The following FOXK2 variants were observed in gnomAD, a reference collection of about 807,000 sequenced individuals.
The protein encoded by FOXK2 is forkhead box K2, also known as forkhead box protein K2.
A neutral mutation model predicts 53.3 loss-of-function variants in FOXK2; 24 were observed. That is an observed-to-expected ratio of 0.45 (90% CI 0.33 to 0.63). The LOEUF (loss-of-function observed/expected upper bound fraction) is 0.63. Among genes scored for constraint, FOXK2 ranks in the 30% least tolerant of loss-of-function variants. The pLI is 0.03. For missense variants in FOXK2, 952 were observed against 910.5 expected (o/e 1.05, Z -0.59); for synonymous variants, 505 against 407.1 (o/e 1.24, Z -2.89).
intron 5 of FOXK2, 51 bp downstream of exon 5, chr17:82,582,985 C>A: frequency 1.5e-6 from 2 of 1,325,300 alleles, no homozygotes; most frequent in South Asian, 3.5e-5. Flanking sequence ...CTAAACTTAC[C>A]TTCAGTGTAT....
chr17:82,587,463 G>T, intron 8 of FOXK2, 191 bp downstream of exon 8: 1 of 607,956 alleles, frequency 1.6e-6, no homozygotes, highest in Non-Finnish European at 2.9e-6. Flanking sequence ...GGATTCCCGT[G>T]GGAGGACCTG....
chr17:82,537,188 T>C lies in FOXK2; in HGVS notation c.419+16881T>C, dbSNP rs147516941. On this transcript the variant is annotated intron_variant, in intron 1 of 8. Transcript: ENST00000335255. ...TGCTGGGCTGGAGCTGCTGGTATTA[T>C]GTTAGGAAGGTTATTCCTGAGAAAT... 9.8e-5 allele frequency among the ~76,000 whole-genome samples: 15 copies of C among 152,314 alleles called. No individual in the cohort carries two copies. In the East Asian group the frequency reaches 2.1e-3, roughly 22 times the overall value.
At chr17:82,587,315 G>C (rs1205840064) in intron 8 of FOXK2, 43 bp downstream of exon 8, 1 of 1,465,790 alleles carries the variant, frequency 6.8e-7, no homozygotes, top group South Asian at 1.1e-5. Context: ...TGTGGGTACT[G>C]GGAGCAGAGC....
chr17:82,577,015 AGCGGGGTGTGGTGGT>A (rs1350766385), intron 4 of FOXK2, among the ~76,000 whole-genome samples: 1 of 152,132 alleles, frequency 6.6e-6, no homozygotes. Context: ...CAATATTATT[AGCGGGGTGTGGTGGT>A]GCGTGCCTGT....
intron 6 of FOXK2, 94 bp from the exon 7 acceptor site, chr17:82,585,810 A>G (rs1013280127): frequency 6.3e-6 from 8 of 1,273,040 alleles, no homozygotes; most frequent in Non-Finnish European, 8.8e-6. Flanking sequence ...TTTTAAATTA[A>G]AGTTTGTATG....
chr17:82,537,303 G>T (rs2044529981), intron 1 of FOXK2, among the ~76,000 whole-genome samples: 1 of 152,162 alleles, frequency 6.6e-6, no homozygotes, highest in South Asian at 2.1e-4. Flanking sequence ...AAAATATTGT[G>T]AAATAATACT....
intron 8 of FOXK2, chr17:82,593,391 G>T (rs748573492): frequency 1.3e-5 from 2 of 152,570 alleles, no homozygotes; most frequent in Admixed American, 6.5e-5. Context: ...GAGGAAGGAA[G>T]GAAAGGAGAG....
intron 1 of FOXK2, among the ~76,000 whole-genome samples, chr17:82,531,277 T>A (rs1484317638): frequency 6.6e-6 from 1 of 151,234 alleles, no homozygotes; most frequent in Non-Finnish European, 1.5e-5. Flanking sequence ...GCTTCTGAGT[T>A]TGGATTGGGT....
chr17:82,543,799 C>G (rs1173455906), intron 1 of FOXK2, among the ~76,000 whole-genome samples: 1 of 122,910 alleles, frequency 8.1e-6, no homozygotes, highest in South Asian at 2.7e-4. Context: ...TTTTTTGAGA[C>G]GGAGTCTTCT....
intron 1 of FOXK2, among the ~76,000 whole-genome samples, chr17:82,561,532 T>C (rs527983862): frequency 2.6e-5 from 4 of 152,098 alleles, no homozygotes; most frequent in African/African-American, 9.7e-5. Context: ...AACCAGAGTC[T>C]GGTGTCCTGG....
intron 8 of FOXK2, among the ~76,000 whole-genome samples, chr17:82,596,841 A>G (rs1374666724): frequency 6.6e-6 from 1 of 151,950 alleles, no homozygotes; most frequent in Non-Finnish European, 1.5e-5. Flanking sequence ...CCCCCTCCCC[A>G]TCTTCTCACC....
intron 8 of FOXK2, among the ~76,000 whole-genome samples, chr17:82,594,629 C>G (rs759741899): frequency 5.9e-5 from 9 of 152,206 alleles, no homozygotes; most frequent in Non-Finnish European, 1.0e-4. Flanking sequence ...AAGCCGCCCT[C>G]TGAATCAGTG....
At chr17:82,556,800 G>A (rs1010807872) in intron 1 of FOXK2, among the ~76,000 whole-genome samples, 2 of 151,764 alleles carry the variant, frequency 1.3e-5, no homozygotes, top group African/African-American at 4.8e-5. Context: ...GGGTTCAAGC[G>A]ATTCTTCAGC....
At chr17:82,586,780 A>G (rs1463754921) in intron 7 of FOXK2, among the ~76,000 whole-genome samples, 1 of 152,104 alleles carries the variant, frequency 6.6e-6, no homozygotes, top group Non-Finnish European at 1.5e-5. Flanking sequence ...GGGTGCCTGT[A>G]ATCCCAGCTA....
At chr17:82,548,758 C>T (rs1480026651) in intron 1 of FOXK2, among the ~76,000 whole-genome samples, 1 of 152,218 alleles carries the variant, frequency 6.6e-6, no homozygotes, top group Non-Finnish European at 1.5e-5. Context: ...CACAGCCTCT[C>T]CCGTGACCTC....
chr17:82,588,038 G>A (rs779929590), intron 8 of FOXK2, among the ~76,000 whole-genome samples: 4 of 152,268 alleles, frequency 2.6e-5, no homozygotes, highest in East Asian at 1.9e-4. Flanking sequence ...TTATCACGAC[G>A]TTTGAATCCT....
At position 82,530,753 on chromosome 17, in the gene FOXK2, C is replaced by T. The variant is rs1271747086; in HGVS notation, c.419+10446C>T. ...TCAAACTCCTGACTGCAGGTGATTCCCCTGTCTTGGCCTCCCAAAGTGTTG... is the reference window on the plus strand; with the variant it reads ...TCAAACTCCTGACTGCAGGTGATTCTCCTGTCTTGGCCTCCCAAAGTGTTG... On this transcript the variant is annotated intron_variant, in intron 1 of 8. Coordinates refer to ENST00000335255, the MANE Select transcript of FOXK2 (RefSeq NM_004514.4). Among the ~76,000 whole-genome samples, 3 of 152,204 alleles carry T rather than the reference C, an allele frequency of 2.0e-5. No homozygotes were observed. The South Asian group carries it at 6.2e-4, about 32-fold the overall frequency.
At chr17:82,575,534 T>C (rs1385175491) in intron 4 of FOXK2, among the ~76,000 whole-genome samples, 1 of 152,212 alleles carries the variant, frequency 6.6e-6, no homozygotes, top group African/African-American at 2.4e-5. Context: ...GCCTGAGTAT[T>C]CATCTATAAA....
Position 82,563,381 on chromosome 17 carries a change from C to T in FOXK2, c.447C>T (p.Asn149=). 1.2e-6 allele frequency: 2 copies of T among 1,613,834 alleles called. No individual in the cohort carries two copies. Among genetic ancestry groups the T allele is most frequent in the East Asian group, 2.2e-5 (1 of 44,886 alleles). ...RVCTFRFPST[N]IKITFTALSS... ...GCACATTCAGGTTCCCGAGCACAAA[C>T]ATCAAGATAACGTTCACTGCCCTGT... The change falls in exon 2 of 9, where the codon AAC becomes AAT. Residue 149 remains asparagine, a synonymous_variant. Coordinates refer to ENST00000335255, the MANE Select transcript of FOXK2 (RefSeq NM_004514.4).
Sources: allele counts gnomAD v4.1 joint callset (sites outside exome capture counted in the v4.1 genomes callset), GRCh38; gene constraint gnomAD v4.1.1; transcripts MANE v1.5; gene names NCBI Gene and HGNC (gene_info 2026-07-23, HGNC 2026-07-21).